Variants in OCSTAMP observed in about 807,000 individuals in gnomAD.
OCSTAMP encodes transmembrane protein C20orf123.
OCSTAMP carries 17 observed loss-of-function variants against 25.2 expected under a neutral mutation model. The ratio of observed to expected loss-of-function variants is 0.68; its 90% confidence interval spans 0.46 to 1.01. The LOEUF is 1.01. Among genes scored for constraint, OCSTAMP ranks in the 50% least tolerant of loss-of-function variants. The pLI is 0.00. For synonymous variants in OCSTAMP, 345 were observed against 318.9 expected, an observed-to-expected ratio of 1.08 and a Z score of -0.87; for missense variants, 664 against 694.6, an observed-to-expected ratio of 0.96 and a Z score of 0.50.
At chr20:46,550,049 T>C (rs2061865879) in intron 1 of OCSTAMP, among the ~76,000 whole-genome samples, 1 of 152,138 alleles carries the variant, frequency 6.6e-6, no homozygotes, top group Non-Finnish European at 1.5e-5. Context: ...CTTCCACAGG[T>C]GCAACCCCTT....
intron 2 of OCSTAMP, among the ~76,000 whole-genome samples, chr20:46,543,968 G>A (rs1292266535): frequency 6.6e-6 from 1 of 152,128 alleles, no homozygotes; most frequent in African/African-American, 2.4e-5. Flanking sequence ...CAACACTTTG[G>A]GAGGCTGAGG....
intron 1 of OCSTAMP, among the ~76,000 whole-genome samples, chr20:46,548,291 T>C (rs1394374600): frequency 1.3e-5 from 2 of 152,156 alleles, no homozygotes; most frequent in African/African-American, 4.8e-5. Flanking sequence ...ATGGTAAGTA[T>C]CACATCAGCT....
At chr20:46,550,376 G>C in intron 1 of OCSTAMP, 141 bp downstream of exon 1, 1 of 649,326 alleles carries the variant, frequency 1.5e-6, no homozygotes, top group South Asian at 2.0e-5. Context: ...GGGAACTGAG[G>C]CTCACAGAGA....
intron 2 of OCSTAMP, among the ~76,000 whole-genome samples, chr20:46,542,328 C>T (rs1810054357): frequency 6.6e-6 from 1 of 152,094 alleles, no homozygotes; most frequent in Non-Finnish European, 1.5e-5. Flanking sequence ...GCCTGTAATC[C>T]CAGCATTCTG....
chr20:46,541,309 T>C lies in OCSTAMP; in HGVS notation c.1666A>G (p.Met556Val). The change falls in exon 3 of 3, where the codon ATG (methionine) becomes GTG (valine). Residue 556 changes from methionine (M) to valine (V), a missense_variant. Met to Val is a conservative substitution (Grantham distance 21). Coordinates refer to ENST00000279028, the MANE Select transcript of OCSTAMP (RefSeq NM_080721.3). ...TYFPRRDVVR[M>V]EGNTGHDRPG is the part of the protein sequence containing the mutation. ...CTATCATGCCCAGTATTTCCTTCCA[T>C]CCTGACCACATCCCTGCGTGGGAAG... The C allele has an allele frequency of 1.4e-6, 1 of 731,154 alleles. No homozygotes were observed. The highest frequency in any genetic ancestry group is 2.5e-6 in the Non-Finnish European group (1 of 396,588). The allele number at this position is 731,154 out of a possible 1,614,324, so 45.3% of individuals were successfully genotyped here.
chr20:46,541,424 G>C lies in OCSTAMP; in HGVS notation c.1551C>G (p.Pro517=). Residue 517 remains proline (P), a synonymous_variant, in exon 3 of 3, where the codon CCC becomes CCG. Coordinates refer to ENST00000279028, the MANE Select transcript of OCSTAMP (RefSeq NM_080721.3). ...LSCNLGPVPP[P]CVTLGKSLHL... is the part of the protein sequence containing the mutation. ...GAAGTGACTTACCCAAGGTCACACA[G>C]GGAGGCGGCACAGGACCAAGGTTAC... 2 of 1,404,248 alleles carry C rather than the reference G, an allele frequency of 1.4e-6. No homozygotes were observed. The highest frequency in any genetic ancestry group is 2.0e-6 in the Non-Finnish European group (2 of 1,012,456). The allele number at this position is 1,404,248 out of a possible 1,614,324, so 87.0% of individuals were successfully genotyped here. A position where few individuals can be genotyped will look rare whatever the true frequency, so the allele number is the denominator to read the frequency against.
In OCSTAMP at chr20:46,545,498, T is replaced by C. The variant is rs1459295721; in HGVS notation, c.876A>G (p.Ser292=). Residue 292 remains serine, a synonymous_variant, in exon 2 of 3, where the codon TCA becomes TCG. Coordinates refer to ENST00000279028, the MANE Select transcript of OCSTAMP (RefSeq NM_080721.3). ...WLLQAAQLRL[S]QEELLSCLLR... ...GAAGACAACTCAACAGCTCCTCCTG[T>C]GACAGCCTCAGCTGAGCCGCCTGGA... 1 of 1,551,516 alleles carries C rather than the reference T, an allele frequency of 6.4e-7. No homozygotes were observed. The highest frequency in any genetic ancestry group is 2.0e-5 in the Admixed American group (1 of 50,992).
chr20:46,549,866 TA>T (rs2061865197), intron 1 of OCSTAMP, among the ~76,000 whole-genome samples: 1 of 126,572 alleles, frequency 7.9e-6, no homozygotes, highest in East Asian at 2.3e-4. Flanking sequence ...AGTTTCACAT[TA>T]AAATCTGGGT....
chr20:46,546,380 GTGTC>G (rs905088846), intron 1 of OCSTAMP, 51 bp from the exon 2 acceptor site: 3 of 1,434,868 alleles, frequency 2.1e-6, no homozygotes, highest in Non-Finnish European at 2.8e-6. Context: ...GGGTGGGTGG[GTGTC>G]TGTCCACTGC....
Position 46,541,374 on chromosome 20 carries a change from T to C in OCSTAMP, c.1601A>G (p.His534Arg), listed in dbSNP as rs770140597. The change falls in exon 3 of 3, where the codon CAT (histidine) becomes CGT (arginine). Residue 534 changes from histidine to arginine, a missense_variant. By Grantham distance (29) the His-to-Arg change is conservative. Transcript: ENST00000279028. ...GGTAAATATGCTGTCGTTATGCAGA[T>C]GTAGAAACCGAGGCTCAGAGAGGTG... ...SLHLSEPRFL[H>R]LHNDSIFTID... is the part of the protein sequence containing the mutation. 8 of 861,198 alleles carry C rather than the reference T, an allele frequency of 9.3e-6. No homozygotes were observed. Among genetic ancestry groups the C allele is most frequent in the South Asian group, 2.8e-5 (2 of 70,342 alleles). 53.3% of individuals were successfully genotyped at this position (861,198 alleles called of 1,614,324 possible).
chr20:46,549,632 A>C (rs79077570), intron 1 of OCSTAMP, among the ~76,000 whole-genome samples: 19,636 of 152,138 alleles, frequency 0.13, 1,640 homozygotes, highest in Middle Eastern at 0.26. Context: ...CATCCCTGAC[A>C]GAAGGAACAG....
Position 46,549,798 on chromosome 20 carries a change from G to A in OCSTAMP, c.44+719C>T, listed in dbSNP as rs73622672. On this transcript the variant is annotated intron_variant, in intron 1 of 2. Coordinates refer to ENST00000279028, the MANE Select transcript of OCSTAMP (RefSeq NM_080721.3). ...GAATCATATGCAAATGTGCCTTATT[G>A]TGGCCCACTCTGTGTGTGTGTGTGT... Among the ~76,000 whole-genome samples the A allele has an allele frequency of 9.1e-4, 136 of 149,282 alleles. 1 individual carries two copies. In the East Asian group the frequency reaches 0.025, roughly 27 times the overall value.
Position 46,545,572 on chromosome 20 carries a change from C to A in OCSTAMP, c.802G>T (p.Ala268Ser), listed in dbSNP as rs1250066901. ...AGGAGGTGTGTAGCCTGGGCCTGTGCCAACCGCTGGGTCAGCTGTTGAGTG... is the reference window on the plus strand; with the variant it reads ...AGGAGGTGTGTAGCCTGGGCCTGTGACAACCGCTGGGTCAGCTGTTGAGTG... ...YATQQLTQRL[A>S]QAQATHLLAP... The change falls in exon 2 of 3, where the codon GCA (alanine) becomes TCA (serine). Residue 268 changes from alanine to serine, a missense_variant. Coordinates refer to ENST00000279028, the MANE Select transcript of OCSTAMP (RefSeq NM_080721.3). 1.9e-6 allele frequency: 3 copies of A among 1,551,630 alleles called. No individual in the cohort carries two copies.
rs1293622718 is a variant in OCSTAMP at position 46,544,970 on chromosome 20, A to G, written c.1047+357T>C. ...TTACTAGGTACTTTAAGACAATACC[A>G]CATTGTAAGACACAATAGCCTTTTA... On this transcript the variant is annotated intron_variant, in intron 2 of 2. Transcript: ENST00000279028. 3.9e-5 allele frequency among the ~76,000 whole-genome samples: 6 copies of G among 152,202 alleles called. 1 individual carries two copies. The highest frequency in any genetic ancestry group is 5.9e-5 in the Non-Finnish European group (4 of 68,038).
At chr20:46,542,601 A>ATGT (rs2061838160) in intron 2 of OCSTAMP, among the ~76,000 whole-genome samples, 2 of 131,776 alleles carry the variant, frequency 1.5e-5, no homozygotes, top group Non-Finnish European at 3.3e-5. Flanking sequence ...TGGGAAGCCC[A>ATGT]AAGCCACACA....
At chr20:46,548,265 A>T (rs937526961) in intron 1 of OCSTAMP, among the ~76,000 whole-genome samples, 1 of 152,112 alleles carries the variant, frequency 6.6e-6, no homozygotes, top group African/African-American at 2.4e-5. Context: ...TCCTGGGGTC[A>T]CTTTGTTTCT....
At chr20:46,546,372 G>A (rs1046244586) in intron 1 of OCSTAMP, 43 bp from the exon 2 acceptor site, 13 of 1,473,460 alleles carry the variant, frequency 8.8e-6, no homozygotes, top group Non-Finnish European at 1.1e-5. Flanking sequence ...CAGGAGGTGG[G>A]TGGGTGGGTG....
Position 46,541,771 on chromosome 20 carries a change from G to A in OCSTAMP, c.1204C>T (p.Pro402Ser), listed in dbSNP as rs569997222. ...LPARRPRAAA[P>S]LAAGALQLLA... Reference sequence around the variant, plus strand: ...AGCTGCAGGGCCCCCGCGGCCAGCGGGGCAGCTGCGCGGGGACGCCGGGCG... The same window carrying A: ...AGCTGCAGGGCCCCCGCGGCCAGCGAGGCAGCTGCGCGGGGACGCCGGGCG... Residue 402 changes from proline (P) to serine (S), a missense_variant, in exon 3 of 3, where the codon CCG becomes TCG. By Grantham distance (74) the Pro-to-Ser change is moderately conservative (BLOSUM62 -1). Coordinates refer to ENST00000279028, the MANE Select transcript of OCSTAMP (RefSeq NM_080721.3). 80 of 1,521,334 alleles carry A rather than the reference G, an allele frequency of 5.3e-5. No individual in the cohort carries two copies. In the African/African-American group the frequency reaches 9.0e-4, roughly 17 times the overall value. 94.2% of individuals were successfully genotyped at this position (1,521,334 alleles called of 1,614,324 possible).
chr20:46,541,314 A>G lies in OCSTAMP; in HGVS notation c.1661T>C (p.Val554Ala). The G allele has an allele frequency of 1.4e-6, 1 of 733,686 alleles. No individual in the cohort carries two copies. The highest frequency in any genetic ancestry group is 2.5e-6 in the Non-Finnish European group (1 of 398,990). 45.4% of individuals were successfully genotyped at this position (733,686 alleles called of 1,614,324 possible). A position where few individuals can be genotyped will look rare whatever the true frequency, so the allele number is the denominator to read the frequency against. Residue 554 changes from valine (V) to alanine (A), a missense_variant, in exon 3 of 3, where the codon GTC becomes GCC. Coordinates refer to ENST00000279028, the MANE Select transcript of OCSTAMP (RefSeq NM_080721.3). ...DVTYFPRRDVVRMEGNTGHDR... is the reference protein window; with the variant it reads ...DVTYFPRRDVARMEGNTGHDR... ...ATGCCCAGTATTTCCTTCCATCCTG[A>G]CCACATCCCTGCGTGGGAAGTAGGT...
Sources: allele counts gnomAD v4.1 joint callset (sites outside exome capture counted in the v4.1 genomes callset), GRCh38; gene constraint gnomAD v4.1.1; transcripts MANE v1.5; gene names NCBI Gene and HGNC (gene_info 2026-07-23, HGNC 2026-07-21).